Variants in NUTM1 observed in about 807,000 individuals in gnomAD.
NUTM1 encodes the protein NUT family member 1.
In NUTM1, 39 loss-of-function variants were observed where a neutral mutation model predicts 88.7. That is an observed-to-expected ratio of 0.44 (90% CI 0.34 to 0.57). The LOEUF (loss-of-function observed/expected upper bound fraction) is 0.57, where lower values mean the gene tolerates loss of function less well. Ranked by LOEUF, NUTM1 falls within the 20% of genes least tolerant of loss-of-function variation. The probability of loss-of-function intolerance (pLI) is 0.01; values close to 1 mark genes in which losing one functional copy is unlikely to be tolerated. For missense variants in NUTM1, 1,350 were observed against 1,414.5 expected (o/e 0.95, Z 0.73); for synonymous variants, 494 against 538.0 (o/e 0.92, Z 1.13).
chr15:34,351,815 C>T (rs1348282847), intron 4 of NUTM1, among the ~76,000 whole-genome samples: 1 of 151,276 alleles, frequency 6.6e-6, no homozygotes, highest in Non-Finnish European at 1.5e-5. Flanking sequence ...AGCCAGTGTC[C>T]TGGATGCCCA....
chr15:34,351,735 A>G (rs1176862863), intron 4 of NUTM1, among the ~76,000 whole-genome samples: 2 of 152,154 alleles, frequency 1.3e-5, no homozygotes, highest in Admixed American at 6.5e-5. Context: ...CTCCATTGGA[A>G]ATAGTGGCAC....
At chr15:34,351,799 G>A (rs1318229395) in intron 4 of NUTM1, among the ~76,000 whole-genome samples, 1 of 151,916 alleles carries the variant, frequency 6.6e-6, no homozygotes, top group Admixed American at 6.6e-5. Context: ...TGGAAGAGCC[G>A]GGGAAAGCCA....
intron 3 of NUTM1, among the ~76,000 whole-genome samples, chr15:34,349,303 T>C (rs920692421): frequency 1.3e-5 from 2 of 152,168 alleles, no homozygotes; most frequent in Non-Finnish European, 2.9e-5. Context: ...TTGCCCTCAG[T>C]TTTCTCAGTT....
At chr15:34,351,657 G>A (rs563326641) in intron 4 of NUTM1, among the ~76,000 whole-genome samples, 1 of 152,240 alleles carries the variant, frequency 6.6e-6, no homozygotes, top group African/African-American at 2.4e-5. Flanking sequence ...GCTCTACCAG[G>A]CAGGTTCTTT....
At chr15:34,344,161 G>A (rs549731495) in intron 1 of NUTM1, among the ~76,000 whole-genome samples, 8 of 150,954 alleles carry the variant, frequency 5.3e-5, no homozygotes, top group African/African-American at 1.7e-4. Flanking sequence ...GGCAGAGGTT[G>A]CAGCGAGCTG....
Position 34,355,822 on chromosome 15 carries a change from G to A in NUTM1, c.1814G>A (p.Gly605Glu). The change falls in exon 8 of 8, where the codon GGA becomes GAA. Residue 605 changes from glycine (G) to glutamate (E), a missense_variant. Gly to Glu is a moderately conservative substitution (Grantham distance 98). This residue lies in a region of NUTM1 where 730 missense variants were observed against 728.8 expected (regional missense o/e 1.00). Coordinates refer to ENST00000537011, the MANE Select transcript of NUTM1 (RefSeq NM_001284292.2). This position sits in a 1 kb window ranked among gnomAD's most constrained non-coding sequence, Gnocchi z 4.3. Reference protein sequence around the residue: ...PELAAPQGTPGPLGVERRGSG... With the variant: ...PELAAPQGTPEPLGVERRGSG... ...CTTGCAGCTCCACAGGGAACTCCGG[G>A]ACCCTTGGGTGTGGAGAGGAGAGGG... 3 of 1,614,178 alleles carry A rather than the reference G, an allele frequency of 1.9e-6. No individual in the cohort carries two copies. The highest frequency in any genetic ancestry group is 2.5e-6 in the Non-Finnish European group (3 of 1,180,036).
rs985716018 is a variant in NUTM1, at chr15:34,355,430, A to T, written c.1480-58A>T. The T allele has an allele frequency of 1.3e-5, 21 of 1,591,760 alleles. No homozygotes were observed. The Middle Eastern group carries it at 5.5e-4, about 42-fold the overall frequency. On this transcript the variant is annotated intron_variant, in intron 7 of 7. Coordinates refer to ENST00000537011, the MANE Select transcript of NUTM1 (RefSeq NM_001284292.2). This position sits in a 1 kb window ranked among gnomAD's most constrained non-coding sequence, Gnocchi z 4.3. ...GCCCAAATACCGTCTTGTGCCACCC[A>T]CTCAGCCACCTCTTTCACAACCACG...
intron 2 of NUTM1, among the ~76,000 whole-genome samples, chr15:34,347,654 C>T (rs894302448): frequency 3.3e-5 from 5 of 152,090 alleles, no homozygotes; most frequent in Non-Finnish European, 7.4e-5. Flanking sequence ...GAGATCGAGA[C>T]CAACCTGGCT....
In NUTM1 at chr15:34,357,255, C is replaced by T. The variant is rs762564973; in HGVS notation, c.3247C>T (p.Leu1083Phe). ...GQGSQRASHL[L>F]PAGAKGPSKL... ...GGGCAGCCAGAGAGCATCCCACCTG[C>T]TCCCTGCTGGAGCAAAAGGCCCCAG... is the stretch of plus-strand genomic sequence containing the variant. The change falls in exon 8 of 8, where the codon CTC becomes TTC. Residue 1083 changes from leucine (L) to phenylalanine (F), a missense_variant. By Grantham distance (22) the Leu-to-Phe change is conservative (BLOSUM62 0). Coordinates refer to ENST00000537011, the MANE Select transcript of NUTM1 (RefSeq NM_001284292.2). 7 of 1,614,044 alleles carry T rather than the reference C, an allele frequency of 4.3e-6. No individual in the cohort carries two copies. In the African/African-American group the frequency reaches 8.0e-5, roughly 18 times the overall value.
rs1890830697 is a variant in NUTM1, at chr15:34,357,058, C to G, written c.3050C>G (p.Ser1017Cys). Residue 1017 changes from serine to cysteine, a missense_variant, in exon 8 of 8, where the codon TCT (serine) becomes TGT (cysteine). Ser to Cys is a moderately radical substitution (Grantham distance 112). Around this residue, in one of 5 missense-constraint regions of NUTM1, gnomAD observed 730 missense variants for 728.8 expected, o/e 1.00. Coordinates refer to ENST00000537011, the MANE Select transcript of NUTM1 (RefSeq NM_001284292.2). The part of the protein sequence containing the change: ...TRNAIVPRET[S>C]VSKTHRSADR... ...AATGCCATAGTTCCGAGAGAAACTTCTGTTAGTAAAACACACAGGTCAGCA... is the reference window on the plus strand; with the variant it reads ...AATGCCATAGTTCCGAGAGAAACTTGTGTTAGTAAAACACACAGGTCAGCA... 3 of 1,613,946 alleles carry G rather than the reference C, an allele frequency of 1.9e-6. No homozygotes were observed. The African/African-American group carries it at 4.0e-5, about 22-fold the overall frequency.
chr15:34,345,809 C>T lies in NUTM1; in HGVS notation c.7-133C>T, dbSNP rs886653046. On this transcript the variant is annotated intron_variant, in intron 1 of 7. Coordinates refer to ENST00000537011, the MANE Select transcript of NUTM1 (RefSeq NM_001284292.2). Reference sequence around the variant, plus strand: ...CTTACTAGAACCCTTCATGGAATATCTGTCCCCACCCTCACCCCACTTTTC... The same window carrying T: ...CTTACTAGAACCCTTCATGGAATATTTGTCCCCACCCTCACCCCACTTTTC... 1.3e-5 allele frequency: 16 copies of T among 1,259,352 alleles called. No individual in the cohort carries two copies. The Admixed American group carries it at 2.7e-4, about 21-fold the overall frequency. The allele number at this position is 1,259,352 out of a possible 1,614,324, so 78.0% of individuals were successfully genotyped here.
rs775262395 is a variant in NUTM1 at position 34,350,703 on chromosome 15, G to A, written c.810-1G>A. ...TGTGACTGACTCAATGGGGGTTTTA[G>A]CCCAGTGCTTCGTTCCCTGGCCCGG... is the stretch of plus-strand genomic sequence containing the variant. On this transcript the variant is annotated splice_acceptor_variant, in intron 3 of 7. Coordinates refer to ENST00000537011, the MANE Select transcript of NUTM1 (RefSeq NM_001284292.2). LOFTEE classifies it high-confidence loss of function. 6.2e-7 allele frequency: 1 copy of A among 1,611,466 alleles called. No individual in the cohort carries two copies. Among genetic ancestry groups the A allele is most frequent in the Non-Finnish European group, 8.5e-7 (1 of 1,179,584 alleles).
chr15:34,343,442 T>G lies in NUTM1; in HGVS notation c.-255T>G. 1.3e-6 allele frequency: 1 copy of G among 760,450 alleles called. No homozygotes were observed. Among genetic ancestry groups the G allele is most frequent in the East Asian group, 2.7e-5 (1 of 36,790 alleles). 47.1% of individuals were successfully genotyped at this position (760,450 alleles called of 1,614,324 possible). A position where few individuals can be genotyped will look rare whatever the true frequency, so the allele number is the denominator to read the frequency against. On this transcript the variant is annotated 5_prime_UTR_variant, in exon 1 of 8. Coordinates refer to ENST00000537011, the MANE Select transcript of NUTM1 (RefSeq NM_001284292.2). ...TCAGGAGCAGTGAGTTTTCAATGCC[T>G]GAAGAAACAAGGGCTCCAGGATTCA...
chr15:34,343,793 C>CATTTTCATTT, intron 1 of NUTM1, 91 bp downstream of exon 1: 2 of 1,151,748 alleles, frequency 1.7e-6, no homozygotes, highest in Non-Finnish European at 2.4e-6. Context: ...ATAAGACTCT[C>CATTTTCATTT]GTTTAAAGAA....
Position 34,356,521 on chromosome 15 carries a change from G to C in NUTM1, c.2513G>C (p.Arg838Thr). ...TATTGCAGCTTGCCAGGACCTTTGA[G>C]GGCCAACAGCCCACCCTTGAGGTCC... ...RNYCSLPGPL[R>T]ANSPPLRSKE... is the part of the protein sequence containing the mutation. The change falls in exon 8 of 8, where the codon AGG (arginine) becomes ACG (threonine). Residue 838 changes from arginine (R) to threonine (T), a missense_variant. By Grantham distance (71) the Arg-to-Thr change is moderately conservative (BLOSUM62 -1). Around this residue, in one of 5 missense-constraint regions of NUTM1, gnomAD observed 730 missense variants for 728.8 expected, o/e 1.00. Transcript: ENST00000537011. The C allele has an allele frequency of 6.2e-7, 1 of 1,614,006 alleles. No homozygotes were observed. The highest frequency in any genetic ancestry group is 8.5e-7 in the Non-Finnish European group (1 of 1,179,980).
At chr15:34,350,991 GGT>G (rs1304236607) in intron 4 of NUTM1, among the ~76,000 whole-genome samples, 159 bp downstream of exon 4, 1 of 151,924 alleles carries the variant, frequency 6.6e-6, no homozygotes, top group Non-Finnish European at 1.5e-5. Flanking sequence ...GGCCAAGGCC[GGT>G]GGATCACCTG....
rs754854174 is a variant in NUTM1, at chr15:34,357,147, A to C, written c.3139A>C (p.Asn1047His). The C allele has an allele frequency of 6.2e-7, 1 of 1,614,214 alleles. No individual in the cohort carries two copies. Among genetic ancestry groups the C allele is most frequent in the Admixed American group, 1.7e-5 (1 of 60,026 alleles). ...EAEEEDEELS[N>H]FAYLLASKLS... ...AGAGGAAGAGGATGAGGAACTCTCC[A>C]ACTTTGCTTACCTCTTGGCCTCTAA... Residue 1047 changes from asparagine to histidine, a missense_variant, in exon 8 of 8, where the codon AAC (asparagine) becomes CAC (histidine). By Grantham distance (68) the Asn-to-His change is moderately conservative. This residue lies in a region of NUTM1 where 730 missense variants were observed against 728.8 expected (regional missense o/e 1.00). Coordinates refer to ENST00000537011, the MANE Select transcript of NUTM1 (RefSeq NM_001284292.2).
Position 34,355,559 on chromosome 15 carries a change from T to A in NUTM1, c.1551T>A (p.Ala517=). ...DAEAPPSFSG[A]QLDSSPSGSV... ...AGGCGCCTCCAAGTTTCAGTGGCGCTCAGTTGGACTCAAGTCCTTCTGGTT... is the reference window on the plus strand; with the variant it reads ...AGGCGCCTCCAAGTTTCAGTGGCGCACAGTTGGACTCAAGTCCTTCTGGTT... Residue 517 remains alanine, a synonymous_variant, in exon 8 of 8, where the codon GCT becomes GCA. Coordinates refer to ENST00000537011, the MANE Select transcript of NUTM1 (RefSeq NM_001284292.2). The surrounding 1 kb of genome is among the most constrained non-coding windows in gnomAD (Gnocchi z 4.3). 6.2e-7 allele frequency: 1 copy of A among 1,614,128 alleles called. No individual in the cohort carries two copies.
rs1285034634 is a variant in NUTM1, at chr15:34,355,308, C to T, written c.1479+171C>T. 6.6e-6 allele frequency among the ~76,000 whole-genome samples: 1 copy of T among 152,102 alleles called. No individual in the cohort carries two copies. Among genetic ancestry groups the T allele is most frequent in the Non-Finnish European group, 1.5e-5 (1 of 68,024 alleles). ...AACACAGGAAATGAGAATGTAAGGG[C>T]TCAAAGCATGGGAATAAGGCACAAG... is the stretch of plus-strand genomic sequence containing the variant. On this transcript the variant is annotated intron_variant, in intron 7 of 7. Coordinates refer to ENST00000537011, the MANE Select transcript of NUTM1 (RefSeq NM_001284292.2). This position sits in a 1 kb window ranked among gnomAD's most constrained non-coding sequence, Gnocchi z 4.3.
Sources: gnomAD v4.1 joint callset for allele counts (sites outside exome capture counted in the v4.1 genomes callset) on GRCh38, gnomAD v4.1.1 for gene constraint, gnomAD v4.1.1 regional missense constraint, Gnocchi (gnomAD v3.1) non-coding constraint, MANE v1.5 for transcripts, NCBI Gene and HGNC (gene_info 2026-07-23, HGNC 2026-07-21) for gene names.